DNAAF1: variants seen among roughly 807,000 people sequenced by gnomAD.
The protein encoded by DNAAF1 is dynein assembly factor 1, axonemal.
In DNAAF1, 65 loss-of-function variants were observed where a neutral mutation model predicts 71.1. That is an observed-to-expected ratio of 0.91 (90% CI 0.75 to 1.12). The LOEUF is 1.12. DNAAF1 is among the 50% of genes most tolerant of loss of function. DNAAF1 has a pLI of 0.00. For missense variants in DNAAF1, 1,178 were observed against 899.8 expected, an observed-to-expected ratio of 1.31 and a Z score of -3.96; for synonymous variants, 414 against 354.6, an observed-to-expected ratio of 1.17 and a Z score of -1.88.
At chr16:84,170,492 A>G in intron 8 of DNAAF1, 136 bp downstream of exon 8, 1 of 1,384,670 alleles carries the variant, frequency 7.2e-7, no homozygotes, top group East Asian at 2.5e-5. Flanking sequence ...AATGGACACT[A>G]GTTATCTTGT....
chr16:84,157,752 A>G (rs974770254), intron 5 of DNAAF1, among the ~76,000 whole-genome samples: 10 of 152,320 alleles, frequency 6.6e-5, no homozygotes, highest in Admixed American at 3.9e-4. Flanking sequence ...AAAGCAAATC[A>G]TAGTTCAGGA....
intron 5 of DNAAF1, among the ~76,000 whole-genome samples, chr16:84,156,229 C>T (rs1020278602): frequency 6.6e-6 from 1 of 152,234 alleles, no homozygotes; most frequent in African/African-American, 2.4e-5. Context: ...TCCCAAAGTG[C>T]TGGGATTACA....
chr16:84,150,686 G>A (rs1179680167), intron 3 of DNAAF1, among the ~76,000 whole-genome samples: 1 of 139,750 alleles, frequency 7.2e-6, no homozygotes, highest in African/African-American at 2.7e-5. Flanking sequence ...TGCAATCTCT[G>A]CTCACTGCAA....
chr16:84,171,265 C>T (rs1037062336), intron 8 of DNAAF1, among the ~76,000 whole-genome samples: 1 of 151,988 alleles, frequency 6.6e-6, no homozygotes, highest in African/African-American at 2.4e-5. Flanking sequence ...GTGAGAAGCC[C>T]CCTTCCCCGC....
intron 9 of DNAAF1, chr16:84,172,729 C>G (rs756043574): frequency 2.8e-5 from 33 of 1,170,926 alleles, no homozygotes; most frequent in Middle Eastern, 3.8e-4. Flanking sequence ...TATCCAAATT[C>G]GTGGTGAGAG....
Position 84,145,560 on chromosome 16 carries a change from G to C in DNAAF1, c.120G>C (p.Lys40Asn), listed in dbSNP as rs766876325. The C allele has an allele frequency of 1.4e-5, 22 of 1,547,680 alleles. No homozygotes were observed. The Middle Eastern group carries it at 1.1e-3, about 79-fold the overall frequency. ...DHGSAGRGGC[K>N]EEINDPKEIC... Reference sequence around the variant, plus strand: ...GGAGCGCAGGCCGAGGGGGCTGCAAGGAAGGTGCCGACTGCCCCCCAGGGA... The same window carrying C: ...GGAGCGCAGGCCGAGGGGGCTGCAACGAAGGTGCCGACTGCCCCCCAGGGA... Residue 40 changes from lysine to asparagine, a missense_variant, in exon 1 of 12, where the codon AAG becomes AAC. Physicochemically the swap from Lys to Asn is moderately conservative, Grantham distance 94 (BLOSUM62 0). Coordinates refer to ENST00000378553, the MANE Select transcript of DNAAF1 (RefSeq NM_178452.6).
intron 4 of DNAAF1, 132 bp from the exon 5 acceptor site, chr16:84,155,451 A>T: frequency 9.5e-7 from 1 of 1,057,872 alleles, no homozygotes; most frequent in Non-Finnish European, 1.4e-6. Flanking sequence ...CTGGTCTCAA[A>T]CCTCCTGGGC....
intron 1 of DNAAF1, among the ~76,000 whole-genome samples, chr16:84,148,295 C>T (rs2087008887): frequency 6.6e-6 from 1 of 152,032 alleles, no homozygotes; most frequent in African/African-American, 2.4e-5. Context: ...GCTTTTTTCA[C>T]TCCATATACG....
In DNAAF1 at chr16:84,176,029, C is replaced by T; in HGVS notation, c.1795C>T (p.Pro599Ser). 1 of 1,614,130 alleles carries T rather than the reference C, an allele frequency of 6.2e-7. No individual in the cohort carries two copies. Among genetic ancestry groups the T allele is most frequent in the East Asian group, 2.2e-5 (1 of 44,884 alleles). The change falls in exon 11 of 12, where the codon CCC becomes TCC. Residue 599 changes from proline (P) to serine (S), a missense_variant. By Grantham distance (74) the Pro-to-Ser change is moderately conservative (BLOSUM62 -1). Coordinates refer to ENST00000378553, the MANE Select transcript of DNAAF1 (RefSeq NM_178452.6). The part of the protein sequence containing the change: ...YTSLPVLENL[P>S]TDTLSNIFAV... ...GTCACTCCCTGTGCTGGAAAACCTC[C>T]CCACAGACACTCTGTCAAATATATT...
intron 2 of DNAAF1, 110 bp downstream of exon 2, chr16:84,149,252 C>A: frequency 1.4e-6 from 2 of 1,401,308 alleles, no homozygotes; most frequent in Non-Finnish European, 2.0e-6. Flanking sequence ...GAATTGCCTG[C>A]CCAATGTCTG....
At chr16:84,167,980 G>A (rs549001384) in intron 7 of DNAAF1, among the ~76,000 whole-genome samples, 5 of 151,500 alleles carry the variant, frequency 3.3e-5, no homozygotes, top group East Asian at 3.9e-4. Context: ...TCGCACCATC[G>A]CACTCCAGCC....
Position 84,169,858 on chromosome 16 carries a change from G to A in DNAAF1, c.1031-1G>A, listed in dbSNP as rs149223266. On this transcript the variant is annotated splice_acceptor_variant, in intron 7 of 11. Transcript: ENST00000378553. LOFTEE classifies it high-confidence loss of function. ...TTCACCTTTGCATTTTCTGCCATTA[G>A]GGGAGATGACATCTTCAGATGATGG... 9 of 1,613,536 alleles carry A rather than the reference G, an allele frequency of 5.6e-6. No homozygotes were observed. In the African/African-American group the frequency reaches 1.1e-4, roughly 19 times the overall value.
At chr16:84,163,981 T>C (rs1320599070) in intron 6 of DNAAF1, among the ~76,000 whole-genome samples, 2 of 152,110 alleles carry the variant, frequency 1.3e-5, no homozygotes, top group Non-Finnish European at 2.9e-5. Context: ...GTTTTTGTGC[T>C]TTTTGTAGAG....
chr16:84,154,276 T>G (rs1293264886), intron 3 of DNAAF1, among the ~76,000 whole-genome samples: 1 of 152,168 alleles, frequency 6.6e-6, no homozygotes, highest in African/African-American at 2.4e-5. Context: ...AGAGCTTGCT[T>G]TTTTATTCGC....
rs2087052447 is a variant in DNAAF1, at chr16:84,148,913, A to G, written c.125-94A>G. ...CCACTAAAGAATACTGGTGTTCTAT[A>G]CTAAAAGTGGATGGTCATTAACCAA... is the stretch of plus-strand genomic sequence containing the variant. On this transcript the variant is annotated intron_variant, in intron 1 of 11. Coordinates refer to ENST00000378553, the MANE Select transcript of DNAAF1 (RefSeq NM_178452.6). 3 of 1,418,500 alleles carry G rather than the reference A, an allele frequency of 2.1e-6. No homozygotes were observed. In the Admixed American group the frequency reaches 5.1e-5, roughly 24 times the overall value. The allele number at this position is 1,418,500 out of a possible 1,614,324, so 87.9% of individuals were successfully genotyped here.
intron 6 of DNAAF1, among the ~76,000 whole-genome samples, chr16:84,160,775 G>C (rs941209359): frequency 2.6e-5 from 4 of 151,754 alleles, no homozygotes; most frequent in Non-Finnish European, 5.9e-5. Flanking sequence ...GCTACTAAAA[G>C]TACACAAAAA....
intron 10 of DNAAF1, chr16:84,175,682 C>T (rs2088614404): frequency 1.9e-6 from 1 of 535,050 alleles, no homozygotes; most frequent in Non-Finnish European, 3.4e-6. Context: ...TCTCAGGTAC[C>T]AGGAGGGTGA....
At chr16:84,155,984 A>G (rs1213671161) in intron 5 of DNAAF1, among the ~76,000 whole-genome samples, 1 of 150,508 alleles carries the variant, frequency 6.6e-6, no homozygotes, top group Non-Finnish European at 1.5e-5. Flanking sequence ...TTTTTTTGAT[A>G]TAGAGTTTCG....
chr16:84,172,493 C>G (rs1479383481), intron 9 of DNAAF1, 118 bp downstream of exon 9: 2 of 1,521,706 alleles, frequency 1.3e-6, no homozygotes, highest in Admixed American at 4.0e-5. Flanking sequence ...GGCCGGCAGG[C>G]CTGGCATTTC....
Sources: gnomAD v4.1 joint callset for allele counts (sites outside exome capture counted in the v4.1 genomes callset) on GRCh38, gnomAD v4.1.1 for gene constraint, MANE v1.5 for transcripts, NCBI Gene and HGNC (gene_info 2026-07-23, HGNC 2026-07-21) for gene names.